Variants in SAMD5 observed in about 807,000 individuals in gnomAD.
SAMD5 encodes the protein sterile alpha motif domain containing 5.
A neutral mutation model predicts 11.3 loss-of-function variants in SAMD5; 13 were observed. The observed-to-expected ratio is 1.15, with a 90% CI of 0.75 to 1.83. SAMD5 has a LOEUF of 1.83. Ranked by LOEUF, SAMD5 falls within the 40% of genes most tolerant of loss-of-function variation. SAMD5 has a pLI of 0.00. For missense variants in SAMD5, 255 were observed against 239.1 expected, an observed-to-expected ratio of 1.07 and a Z score of -0.44; for synonymous variants, 129 against 111.3, an observed-to-expected ratio of 1.16 and a Z score of -1.00.
At chr6:147,670,797 C>G (rs973729016) in intron 1 of SAMD5, among the ~76,000 whole-genome samples, 1 of 152,180 alleles carries the variant, frequency 6.6e-6, no homozygotes, top group Admixed American at 6.5e-5. Context: ...TTAAGTTTCT[C>G]CATATCAGCA....
intron 1 of SAMD5, among the ~76,000 whole-genome samples, chr6:147,639,196 T>G (rs1790274690): frequency 6.6e-6 from 1 of 152,198 alleles, no homozygotes; most frequent in African/African-American, 2.4e-5. Flanking sequence ...TTTCTAGCTT[T>G]GATGTGGTTT....
intron 1 of SAMD5, among the ~76,000 whole-genome samples, chr6:147,518,814 T>C (rs1788210376): frequency 6.6e-6 from 1 of 152,186 alleles, no homozygotes; most frequent in Non-Finnish European, 1.5e-5. Context: ...CTAAGTTTTA[T>C]GAAAAAATGC....
At chr6:147,704,635 A>G (rs1791300269) in intron 1 of SAMD5, among the ~76,000 whole-genome samples, 2 of 152,196 alleles carry the variant, frequency 1.3e-5, no homozygotes, top group Non-Finnish European at 2.9e-5. Flanking sequence ...TTCCTGTGTG[A>G]TGATGGCCTT....
the SAMD5 span, among the ~76,000 whole-genome samples, chr6:147,917,768 C>T: frequency 1.3e-5 from 2 of 152,168 alleles, no homozygotes; most frequent in African/African-American, 4.8e-5. Context: ...TTTCAGCTTT[C>T]TACATATGGC....
chr6:147,680,517 T>C (rs1305448091), intron 1 of SAMD5, among the ~76,000 whole-genome samples: 3 of 152,142 alleles, frequency 2.0e-5, no homozygotes, highest in African/African-American at 7.2e-5. Flanking sequence ...TTTCTTTTGC[T>C]TATTACACTG....
the SAMD5 span, among the ~76,000 whole-genome samples, chr6:147,869,157 G>C: frequency 6.6e-6 from 1 of 152,174 alleles, no homozygotes; most frequent in Admixed American, 6.6e-5. Flanking sequence ...CTCTGATTAA[G>C]AATAATATGT....
intron 1 of SAMD5, among the ~76,000 whole-genome samples, chr6:147,664,258 A>G (rs557904055): frequency 6.6e-6 from 1 of 152,298 alleles, no homozygotes; most frequent in African/African-American, 2.4e-5. Flanking sequence ...CAGAGACTAA[A>G]AAATCTGATT....
rs7740973 is a variant in SAMD5 at position 147,544,807 on chromosome 6, T to C, written c.460-19587T>C. Among the ~76,000 whole-genome samples the C allele has an allele frequency of 3.3e-3, 507 of 152,318 alleles. 1 individual carries two copies. Among genetic ancestry groups the C allele is most frequent in the African/African-American group, 0.011 (472 of 41,574 alleles). ...AAGAAACAATTCACATAATTTTGTT[T>C]CAGAATGGACCACCAAATTTGGCAG... is the stretch of plus-strand genomic sequence containing the variant. On this transcript the variant is annotated intron_variant, in intron 1 of 1. Coordinates refer to ENST00000367474, the MANE Select transcript of SAMD5 (RefSeq NM_001030060.3).
At chr6:147,656,726 G>T (rs538335942) in intron 1 of SAMD5, among the ~76,000 whole-genome samples, 2 of 152,142 alleles carry the variant, frequency 1.3e-5, no homozygotes, top group Admixed American at 1.3e-4. Context: ...TGTTGGAGAG[G>T]ATGTAAGGAA....
the SAMD5 span, among the ~76,000 whole-genome samples, chr6:147,749,850 G>A: frequency 6.6e-6 from 1 of 152,152 alleles, no homozygotes; most frequent in African/African-American, 2.4e-5. Context: ...ATGCGCATGC[G>A]AGTGTGGTTC....
chr6:147,693,652 A>G (rs1191833082), intron 1 of SAMD5, among the ~76,000 whole-genome samples: 1 of 152,218 alleles, frequency 6.6e-6, no homozygotes, highest in African/African-American at 2.4e-5. Context: ...GGTGAACCAC[A>G]GCTAGGTTAG....
chr6:147,682,403 T>A (rs1363213780), intron 1 of SAMD5, among the ~76,000 whole-genome samples: 1 of 152,202 alleles, frequency 6.6e-6, no homozygotes, highest in East Asian at 1.9e-4. Context: ...AGTAGAAGTC[T>A]ATGAGAGTTT....
chr6:147,909,634 C>CTTTCTTTCTTTCTTTCTTTCTTTCT, the SAMD5 span, among the ~76,000 whole-genome samples: 47 of 66,586 alleles, frequency 7.1e-4, 3 homozygotes, highest in South Asian at 9.6e-3. Context: ...CTTTCTTTCT[C>CTTTCTTTCTTTCTTTCTTTCTTTCT]TTTCTTGTCT....
chr6:147,698,347 G>A (rs1284775024), intron 1 of SAMD5, among the ~76,000 whole-genome samples: 1 of 152,140 alleles, frequency 6.6e-6, no homozygotes, highest in Non-Finnish European at 1.5e-5. Context: ...GTATTCCAGT[G>A]TGTGAGTTTT....
At chr6:147,578,702 T>C (rs1463909536) in intron 1 of SAMD5, among the ~76,000 whole-genome samples, 1 of 152,116 alleles carries the variant, frequency 6.6e-6, no homozygotes, top group Non-Finnish European at 1.5e-5. Flanking sequence ...TTCATAATCA[T>C]AGGCAAATAT....
At chr6:147,626,364 A>G (rs1015871430) in intron 1 of SAMD5, among the ~76,000 whole-genome samples, 17 of 151,300 alleles carry the variant, frequency 1.1e-4, no homozygotes, top group Admixed American at 1.1e-3. Flanking sequence ...AACCTCAAAA[A>G]TCCCAATTGC....
At chr6:147,660,548 T>C (rs1790633190) in intron 1 of SAMD5, among the ~76,000 whole-genome samples, 1 of 152,180 alleles carries the variant, frequency 6.6e-6, no homozygotes, top group African/African-American at 2.4e-5. Flanking sequence ...CAAAATCTCA[T>C]TTTGAATTGT....
chr6:147,523,144 T>TA (rs1788280737), intron 1 of SAMD5, among the ~76,000 whole-genome samples: 1 of 152,102 alleles, frequency 6.6e-6, no homozygotes, highest in Non-Finnish European at 1.5e-5. Context: ...AATATACACT[T>TA]AGGAGCTGCT....
the SAMD5 span, among the ~76,000 whole-genome samples, chr6:147,822,673 T>C: frequency 6.6e-6 from 1 of 152,204 alleles, no homozygotes; most frequent in African/African-American, 2.4e-5. Context: ...ATTTTAAATA[T>C]TTCCTATAGG....
Sources: gnomAD v4.1 joint callset for allele counts (sites outside exome capture counted in the v4.1 genomes callset) on GRCh38, gnomAD v4.1.1 for gene constraint, MANE v1.5 for transcripts, NCBI Gene and HGNC (gene_info 2026-07-23, HGNC 2026-07-21) for gene names.